The following CACNB2 variants were observed in gnomAD, a reference collection of about 807,000 sequenced individuals.
CACNB2 encodes calcium voltage-gated channel auxiliary subunit beta 2.
Under a neutral mutation model 73.3 loss-of-function variants are expected in CACNB2, and 42 were observed. The ratio of observed to expected loss-of-function variants is 0.57; its 90% CI spans 0.45 to 0.74. The LOEUF (loss-of-function observed/expected upper bound fraction) is 0.74. Among genes scored for constraint, CACNB2 ranks in the 30% least tolerant of loss-of-function variants. The probability of loss-of-function intolerance (pLI) is 0.00; values close to 1 mark genes in which losing one functional copy is unlikely to be tolerated. For missense variants in CACNB2, 940 were observed against 853.0 expected, an observed-to-expected ratio of 1.10 and a Z score of -1.27; for synonymous variants, 348 against 310.3, an observed-to-expected ratio of 1.12 and a Z score of -1.28.
intron 2 of CACNB2, among the ~76,000 whole-genome samples, chr10:18,217,110 G>A (rs1364353378): frequency 6.6e-6 from 1 of 152,060 alleles, no homozygotes; most frequent in Non-Finnish European, 1.5e-5. Flanking sequence ...TATTTCTTGG[G>A]ACCCTGTGTG....
intron 2 of CACNB2, among the ~76,000 whole-genome samples, chr10:18,383,775 G>A (rs1039035210): frequency 3.3e-5 from 5 of 151,972 alleles, no homozygotes; most frequent in African/African-American, 9.7e-5. Flanking sequence ...GCTCAATCTC[G>A]ACTCGGTACA....
At chr10:18,141,016 G>A (rs1441966927) in intron 1 of CACNB2, 160 bp downstream of exon 1, 3 of 1,533,648 alleles carry the variant, frequency 2.0e-6, no homozygotes, top group Admixed American at 2.0e-5. Flanking sequence ...CGGGGACCCT[G>A]CCCCTTTGCG....
intron 10 of CACNB2, chr10:18,533,221 C>T (rs1238088507): frequency 1.3e-5 from 2 of 152,190 alleles, no homozygotes; most frequent in African/African-American, 4.8e-5. Flanking sequence ...TAGACCTATG[C>T]TGCCTAGTAA....
intron 2 of CACNB2, chr10:18,400,844 A>T: frequency 2.7e-6 from 4 of 1,467,660 alleles, no homozygotes; most frequent in Non-Finnish European, 3.6e-6. Flanking sequence ...GAATGGGAAA[A>T]TAAGAATCTC....
intron 2 of CACNB2, among the ~76,000 whole-genome samples, chr10:18,216,534 A>C (rs1385528091): frequency 1.3e-5 from 2 of 152,206 alleles, no homozygotes; most frequent in African/African-American, 4.8e-5. Flanking sequence ...TATGGCAGTA[A>C]TACAGCTCTA....
rs1411173659 is a variant in CACNB2, at chr10:18,524,824, A to G, written c.945-2764A>G. Among the ~76,000 whole-genome samples the G allele has an allele frequency of 2.6e-5, 4 of 150,962 alleles. 1 individual carries two copies. The highest frequency in any genetic ancestry group is 3.9e-4 in the East Asian group (2 of 5,148). Reference sequence around the variant, plus strand: ...AGGACTGCTTGAGCTCAGAAGTTTCAGACCAGCCTGGGCAACATAATGAGG... The same window carrying G: ...AGGACTGCTTGAGCTCAGAAGTTTCGGACCAGCCTGGGCAACATAATGAGG... On this transcript the variant is annotated intron_variant, in intron 9 of 13. Coordinates refer to ENST00000324631, the MANE Select transcript of CACNB2 (RefSeq NM_201596.3).
intron 2 of CACNB2, among the ~76,000 whole-genome samples, chr10:18,192,856 C>A (rs79167578): frequency 0.026 from 3,948 of 152,270 alleles, 78 homozygotes; most frequent in Middle Eastern, 0.078. Context: ...GTATTATCAT[C>A]ATAATATTTG....
rs199858776 is a variant in CACNB2, at chr10:18,179,259, TAGC to T, written c.213+28287_213+28289del. ...GACAGAAAAAGAAAGGGTTTATAAATAGCAGACATAGCAGCCCTTGCTATCTGA... is the reference window on the plus strand; with the variant it reads ...GACAGAAAAAGAAAGGGTTTATAAATAGACATAGCAGCCCTTGCTATCTGA... On this transcript the variant is annotated intron_variant, in intron 2 of 13. Transcript: ENST00000324631. 8.0e-3 allele frequency among the ~76,000 whole-genome samples: 1,219 copies of T among 152,294 alleles called. 6 individuals carry two copies. Among genetic ancestry groups the T allele is most frequent in the African/African-American group, 0.013 (544 of 41,574 alleles).
chr10:18,415,001 ATG>A (rs1183323308), intron 3 of CACNB2, among the ~76,000 whole-genome samples: 3 of 152,216 alleles, frequency 2.0e-5, no homozygotes, highest in Non-Finnish European at 2.9e-5. Context: ...AAAAAGTAGA[ATG>A]TATTTAATTA....
intron 2 of CACNB2, among the ~76,000 whole-genome samples, chr10:18,324,786 G>A (rs2131976120): frequency 6.6e-6 from 1 of 152,328 alleles, no homozygotes; most frequent in East Asian, 1.9e-4. Context: ...AACCCAGGAG[G>A]CAGAGGTTGC....
intron 3 of CACNB2, among the ~76,000 whole-genome samples, chr10:18,492,583 T>C (rs766718738): frequency 1.5e-5 from 2 of 136,362 alleles, no homozygotes; most frequent in African/African-American, 2.8e-5. Flanking sequence ...ATCGCACCAC[T>C]TCACTCCAGC....
intron 2 of CACNB2, among the ~76,000 whole-genome samples, chr10:18,293,533 T>G (rs930983768): frequency 1.3e-5 from 2 of 152,214 alleles, no homozygotes; most frequent in Non-Finnish European, 2.9e-5. Flanking sequence ...AAAGCAAAAC[T>G]TGAAACATTA....
At chr10:18,318,755 C>T (rs1415079013) in intron 2 of CACNB2, among the ~76,000 whole-genome samples, 2 of 152,012 alleles carry the variant, frequency 1.3e-5, no homozygotes, top group Non-Finnish European at 2.9e-5. Context: ...AACAAATTTA[C>T]AAGAAAAAAA....
chr10:18,179,782 T>C (rs1345344054), intron 2 of CACNB2, among the ~76,000 whole-genome samples: 1 of 152,168 alleles, frequency 6.6e-6, no homozygotes, highest in Non-Finnish European at 1.5e-5. Context: ...AGAATAATAT[T>C]AAAACTCTTT....
At chr10:18,203,034 C>T (rs1344317205) in intron 2 of CACNB2, among the ~76,000 whole-genome samples, 1 of 152,172 alleles carries the variant, frequency 6.6e-6, no homozygotes, top group Non-Finnish European at 1.5e-5. Context: ...AAGATTCTGT[C>T]ACTCACTCTT....
chr10:18,403,629 A>G (rs974661879), intron 3 of CACNB2, among the ~76,000 whole-genome samples: 3 of 152,154 alleles, frequency 2.0e-5, no homozygotes, highest in Non-Finnish European at 4.4e-5. Flanking sequence ...GTTAGATGAC[A>G]TTGCTGCAAA....
intron 2 of CACNB2, among the ~76,000 whole-genome samples, chr10:18,209,868 A>G (rs1225895506): frequency 6.6e-6 from 1 of 152,204 alleles, no homozygotes; most frequent in Non-Finnish European, 1.5e-5. Flanking sequence ...TTCAAGACCT[A>G]TATATTTTCG....
chr10:18,310,393 G>A (rs1307238428), intron 2 of CACNB2, among the ~76,000 whole-genome samples: 1 of 151,360 alleles, frequency 6.6e-6, no homozygotes, highest in East Asian at 2.0e-4. Flanking sequence ...GTCACCTGAG[G>A]TTGGGAGTTC....
chr10:18,292,637 C>T (rs539211543), intron 2 of CACNB2, among the ~76,000 whole-genome samples: 1 of 152,242 alleles, frequency 6.6e-6, no homozygotes, highest in African/African-American at 2.4e-5. Context: ...GCCTGGGAGA[C>T]AGAGTGAGAC....
Sources: allele counts gnomAD v4.1 joint callset (sites outside exome capture counted in the v4.1 genomes callset), GRCh38; gene constraint gnomAD v4.1.1; transcripts MANE v1.5; gene names NCBI Gene and HGNC (gene_info 2026-07-23, HGNC 2026-07-21).